ROCK2: variants seen among roughly 807,000 people sequenced by gnomAD.
The protein encoded by ROCK2 is rho-associated protein kinase 2.
ROCK2 carries 61 observed loss-of-function variants against 195.1 expected under a neutral mutation model. The observed-to-expected ratio is 0.31, with a 90% CI of 0.25 to 0.39. The LOEUF (loss-of-function observed/expected upper bound fraction) is 0.39. Among genes scored for constraint, ROCK2 ranks in the 10% least tolerant of loss-of-function variants. The probability of loss-of-function intolerance (pLI) is 1.00; values close to 1 mark genes in which losing one functional copy is unlikely to be tolerated. For synonymous variants in ROCK2, 504 were observed against 545.5 expected, an observed-to-expected ratio of 0.92 and a Z score of 1.06; for missense variants, 1,109 against 1,637.4, an observed-to-expected ratio of 0.68 and a Z score of 5.57.
intron 32 of ROCK2, among the ~76,000 whole-genome samples, chr2:11,186,436 G>A (rs1046623914): frequency 2.6e-5 from 4 of 152,170 alleles, no homozygotes; most frequent in Non-Finnish European, 5.9e-5. Context: ...AGTGTATGAC[G>A]AGACTTCCCT....
At chr2:11,267,080 C>T (rs988177211) in intron 3 of ROCK2, among the ~76,000 whole-genome samples, 2 of 152,116 alleles carry the variant, frequency 1.3e-5, no homozygotes, top group African/African-American at 4.8e-5. Context: ...CATGATAAAT[C>T]AAGGTCTGTC....
chr2:11,216,032 C>G, intron 13 of ROCK2, 126 bp downstream of exon 13: 1 of 739,932 alleles, frequency 1.4e-6, no homozygotes, highest in Non-Finnish European at 2.4e-6. Flanking sequence ...TTAGTCCTAT[C>G]CACCAATACT....
At chr2:11,338,474 G>A (rs1227769960) in intron 1 of ROCK2, among the ~76,000 whole-genome samples, 1 of 152,134 alleles carries the variant, frequency 6.6e-6, no homozygotes, top group East Asian at 1.9e-4. Context: ...AAACAATACA[G>A]TATCGTATTA....
Position 11,201,160 on chromosome 2 carries a change from T to C in ROCK2, c.2724-17A>G, listed in dbSNP as rs374704848. ...AAAGAGTCCCTACATTTTAGCAATA[T>C]ATCATTTTAATGGTTCAGTTTTCAC... On this transcript the variant is annotated splice_polypyrimidine_tract_variant and intron_variant, in intron 22 of 32. Transcript: ENST00000315872. The surrounding 1 kb of genome is among the most constrained non-coding windows in gnomAD (Gnocchi z 4.6). 6.3e-7 allele frequency: 1 copy of C among 1,586,890 alleles called. No homozygotes were observed. The highest frequency in any genetic ancestry group is 8.6e-7 in the Non-Finnish European group (1 of 1,168,766).
At chr2:11,323,051 T>C (rs865843320) in intron 1 of ROCK2, among the ~76,000 whole-genome samples, 6 of 152,320 alleles carry the variant, frequency 3.9e-5, no homozygotes, top group Middle Eastern at 6.8e-3. Flanking sequence ...GGTAAACAAG[T>C]TGAACAATCA....
At chr2:11,227,434 A>G in intron 5 of ROCK2, 36 bp from the exon 6 acceptor site, 1 of 1,586,166 alleles carries the variant, frequency 6.3e-7, no homozygotes, top group Non-Finnish European at 8.6e-7. Context: ...AAAACAGTTC[A>G]GTGTAAAAAC....
rs564991105 is a variant in ROCK2, at chr2:11,200,565, G to A, written c.2910+392C>T. 6.1e-4 allele frequency among the ~76,000 whole-genome samples: 92 copies of A among 152,034 alleles called. 1 individual carries two copies. The highest frequency in any genetic ancestry group is 2.1e-3 in the African/African-American group (87 of 41,456). ...TCTAATACCAGACTTTTTAATTACCGCAGCATTTCAATAGGTCTAGTTAAT... is the reference window on the plus strand; with the variant it reads ...TCTAATACCAGACTTTTTAATTACCACAGCATTTCAATAGGTCTAGTTAAT... On this transcript the variant is annotated intron_variant, in intron 23 of 32. Coordinates refer to ENST00000315872, the MANE Select transcript of ROCK2 (RefSeq NM_004850.5).
chr2:11,287,785 A>G, intron 1 of ROCK2, 49 bp from the exon 2 acceptor site: 3 of 767,952 alleles, frequency 3.9e-6, no homozygotes, highest in Non-Finnish European at 5.9e-6. Flanking sequence ...ATTTCCAAGC[A>G]TTCATTTAAA....
At chr2:11,336,652 C>G (rs983415566) in intron 1 of ROCK2, among the ~76,000 whole-genome samples, 13 of 152,210 alleles carry the variant, frequency 8.5e-5, no homozygotes, top group African/African-American at 3.1e-4. Context: ...AAAAGTCCAA[C>G]TGTCAGTAAA....
upstream of ROCK2, among the ~76,000 whole-genome samples, chr2:11,345,031 C>CCCCCCGCCGCGG (rs983965497): frequency 3.3e-5 from 5 of 151,008 alleles, no homozygotes; most frequent in African/African-American, 4.9e-5. Context: ...CCCGGCCGCG[C>CCCCCCGCCGCGG]CCCCCGCCGC....
chr2:11,333,811 A>G (rs924515482), intron 1 of ROCK2, among the ~76,000 whole-genome samples: 1 of 152,232 alleles, frequency 6.6e-6, no homozygotes, highest in African/African-American at 2.4e-5. Context: ...ATTCCAACAC[A>G]GGCATAACTA....
At chr2:11,339,169 G>A (rs1412494814) in intron 1 of ROCK2, among the ~76,000 whole-genome samples, 1 of 152,116 alleles carries the variant, frequency 6.6e-6, no homozygotes, top group East Asian at 1.9e-4. Context: ...AATACATACT[G>A]AAGTGTTTGA....
chr2:11,226,897 C>CGA (rs1343467198), intron 6 of ROCK2, among the ~76,000 whole-genome samples: 1 of 120,546 alleles, frequency 8.3e-6, no homozygotes, highest in Non-Finnish European at 1.6e-5. Flanking sequence ...GGCAACAGAG[C>CGA]GAGACCCTGC....
chr2:11,248,632 C>T (rs1255630139), intron 4 of ROCK2, among the ~76,000 whole-genome samples: 1 of 142,466 alleles, frequency 7.0e-6, no homozygotes, highest in Non-Finnish European at 1.5e-5. Flanking sequence ...CCGCTTGAAC[C>T]CGGGAAGCAG....
Position 11,194,943 on chromosome 2 carries a change from A to G in ROCK2, c.3519+12T>C. The G allele has an allele frequency of 6.7e-7, 1 of 1,488,876 alleles. No homozygotes were observed. Among genetic ancestry groups the G allele is most frequent in the Non-Finnish European group, 9.2e-7 (1 of 1,092,542 alleles). 92.2% of individuals were successfully genotyped at this position (1,488,876 alleles called of 1,614,324 possible). On this transcript the variant is annotated intron_variant, in intron 28 of 32. Transcript: ENST00000315872. The stretch of plus-strand genomic sequence containing the variant: ...CAAAAACAAAAGGCTCATATTCCAA[A>G]GTATCAATTACCTTTTTAACCCATC...
chr2:11,336,997 C>T (rs1411948257), intron 1 of ROCK2, among the ~76,000 whole-genome samples: 1 of 152,162 alleles, frequency 6.6e-6, no homozygotes, highest in Non-Finnish European at 1.5e-5. Flanking sequence ...AATCCCAGCA[C>T]TTTGGGAGGC....
intron 1 of ROCK2, among the ~76,000 whole-genome samples, chr2:11,341,987 T>A (rs1377812220): frequency 6.6e-6 from 1 of 152,192 alleles, no homozygotes; most frequent in Non-Finnish European, 1.5e-5. Flanking sequence ...TGGTTAAAAA[T>A]GGTAAATTCT....
chr2:11,252,459 C>T (rs922950668), intron 3 of ROCK2, among the ~76,000 whole-genome samples: 6 of 151,818 alleles, frequency 4.0e-5, no homozygotes, highest in African/African-American at 1.5e-4. Context: ...GGGTATATAC[C>T]CAAAGGATTA....
chr2:11,307,869 G>A (rs755259125), intron 1 of ROCK2, among the ~76,000 whole-genome samples: 11 of 152,064 alleles, frequency 7.2e-5, no homozygotes, highest in African/African-American at 1.7e-4. Context: ...AACTATCGGC[G>A]AAAAATGGGC....
Sources: gnomAD v4.1 joint callset for allele counts (sites outside exome capture counted in the v4.1 genomes callset) on GRCh38, gnomAD v4.1.1 for gene constraint, Gnocchi (gnomAD v3.1) non-coding constraint, MANE v1.5 for transcripts, NCBI Gene and HGNC (gene_info 2026-07-23, HGNC 2026-07-21) for gene names.